NUP107: variants seen among roughly 807,000 people sequenced by gnomAD.
NUP107 encodes nuclear pore complex protein Nup107.
A neutral mutation model predicts 141.0 loss-of-function variants in NUP107; 101 were observed. The observed-to-expected ratio is 0.72, with a 90% CI of 0.61 to 0.84. The LOEUF is 0.84. Ranked by LOEUF, NUP107 falls within the 40% of genes least tolerant of loss-of-function variation. The pLI is 0.00. For synonymous variants in NUP107, 319 were observed against 363.9 expected, an observed-to-expected ratio of 0.88 and a Z score of 1.41; for missense variants, 941 against 1,102.7, an observed-to-expected ratio of 0.85 and a Z score of 2.08.
At chr12:68,741,076 GA>G (rs955186876) in intron 26 of NUP107, among the ~76,000 whole-genome samples, 14 of 144,656 alleles carry the variant, frequency 9.7e-5, no homozygotes, top group Middle Eastern at 3.6e-3. Context: ...AAAAAGAAAA[GA>G]AAAAAAAAAG....
At chr12:68,698,062 T>C (rs1029293501) in intron 6 of NUP107, among the ~76,000 whole-genome samples, 1 of 151,666 alleles carries the variant, frequency 6.6e-6, no homozygotes, top group Non-Finnish European at 1.5e-5. Context: ...ATGTTTCACA[T>C]TGTATGTCAT....
intron 1 of NUP107, 148 bp downstream of exon 1, chr12:68,687,221 C>G: frequency 8.4e-7 from 1 of 1,185,216 alleles, no homozygotes; most frequent in Non-Finnish European, 1.2e-6. Flanking sequence ...GGAAATTTGG[C>G]CACAAATGGG....
chr12:68,700,950 G>A (rs1876301146), intron 7 of NUP107, 97 bp downstream of exon 7: 2 of 1,246,592 alleles, frequency 1.6e-6, no homozygotes, highest in East Asian at 5.1e-5. Flanking sequence ...CTTGGAAATA[G>A]GTTTTGCTAT....
Position 68,702,846 on chromosome 12 carries a change from A to AT in NUP107, c.729+76dup, listed in dbSNP as rs201673769. 104,784 of 747,394 alleles carry AT rather than the reference A, an allele frequency of 0.14. 976 individuals carry two copies. The highest frequency in any genetic ancestry group is 0.24 in the East Asian group (6,434 of 26,718). 46.3% of individuals were successfully genotyped at this position (747,394 alleles called of 1,614,324 possible). The stretch of plus-strand genomic sequence containing the variant: ...TACAAATTAAAATGTTACTAATAGG[A>AT]TTTTTTTTTTTTTTGAGTTGGAGTT... On this transcript the variant is annotated intron_variant, in intron 8 of 27. Transcript: ENST00000229179.
At chr12:68,742,124 G>A in intron 27 of NUP107, 144 bp downstream of exon 27, 1 of 766,646 alleles carries the variant, frequency 1.3e-6, no homozygotes, top group Non-Finnish European at 2.0e-6. Flanking sequence ...TTTAATGTTT[G>A]TACTTTTTTC....
chr12:68,721,885 C>T lies in NUP107; in HGVS notation c.1356C>T (p.Tyr452=). ...CDTWEDTVWA[Y]FRVMVDSLVE... is the part of the protein sequence containing the mutation. The stretch of plus-strand genomic sequence containing the variant: ...CCTGGGAAGACACAGTTTGGGCCTA[C>T]TTCCGGGTGATGGTGGACAGTCTGG... The change falls in exon 16 of 28, where the codon TAC becomes TAT. Residue 452 remains tyrosine (Y), a synonymous_variant. Coordinates refer to ENST00000229179, the MANE Select transcript of NUP107 (RefSeq NM_020401.4). 1 of 1,614,102 alleles carries T rather than the reference C, an allele frequency of 6.2e-7. No homozygotes were observed. Among genetic ancestry groups the T allele is most frequent in the Non-Finnish European group, 8.5e-7 (1 of 1,179,984 alleles).
At chr12:68,700,605 G>C (rs930076742) in intron 6 of NUP107, 121 bp from the exon 7 acceptor site, 2 of 561,678 alleles carry the variant, frequency 3.6e-6, no homozygotes, top group African/African-American at 3.9e-5. Context: ...AAATAGAGAA[G>C]GCAATTTTAT....
chr12:68,711,523 G>A (rs1362187582), intron 10 of NUP107, among the ~76,000 whole-genome samples: 5 of 146,244 alleles, frequency 3.4e-5, no homozygotes, highest in Admixed American at 2.8e-4. Flanking sequence ...GTGACAGAGC[G>A]AGACTCCACC....
chr12:68,690,421 T>G, intron 3 of NUP107: 1 of 610,594 alleles, frequency 1.6e-6, no homozygotes. Flanking sequence ...AAATGTTTCC[T>G]GTTAGGCTCA....
chr12:68,721,985 A>G lies in NUP107; in HGVS notation c.1456A>G (p.Asn486Asp). 1 of 1,613,420 alleles carries G rather than the reference A, an allele frequency of 6.2e-7. No homozygotes were observed. Among genetic ancestry groups the G allele is most frequent in the Non-Finnish European group, 8.5e-7 (1 of 1,179,776 alleles). The change falls in exon 16 of 28, where the codon AAC becomes GAC. Residue 486 changes from asparagine (N) to aspartate (D), a missense_variant and splice_region_variant. Coordinates refer to ENST00000229179, the MANE Select transcript of NUP107 (RefSeq NM_020401.4). ...EELPREYLGANWTLEKVFEEL... is the reference protein window; with the variant it reads ...EELPREYLGADWTLEKVFEEL... Reference sequence around the variant, plus strand: ...ACTCCCTAGAGAATATCTGGGAGCAAAGTGAGTTTGTTGGATTGTTTTGAG... The same window carrying G: ...ACTCCCTAGAGAATATCTGGGAGCAGAGTGAGTTTGTTGGATTGTTTTGAG...
chr12:68,735,769 A>G (rs1382777689), intron 26 of NUP107, among the ~76,000 whole-genome samples: 1 of 152,102 alleles, frequency 6.6e-6, no homozygotes, highest in African/African-American at 2.4e-5. Flanking sequence ...TTATGGTGTA[A>G]TTGGTCTGAG....
chr12:68,716,371 C>CATGT, intron 12 of NUP107, among the ~76,000 whole-genome samples: 1 of 151,850 alleles, frequency 6.6e-6, no homozygotes, highest in East Asian at 1.9e-4. Flanking sequence ...ACTGGGACTA[C>CATGT]AGGTACACGC....
chr12:68,730,421 G>A (rs772853951), intron 20 of NUP107, among the ~76,000 whole-genome samples: 2 of 151,766 alleles, frequency 1.3e-5, no homozygotes, highest in African/African-American at 4.8e-5. Flanking sequence ...GTTTTGTCTT[G>A]TTGGCCAGGC....
intron 15 of NUP107, among the ~76,000 whole-genome samples, chr12:68,721,522 C>T (rs1034527701): frequency 5.3e-5 from 8 of 152,148 alleles, no homozygotes; most frequent in African/African-American, 1.7e-4. Flanking sequence ...GGTTGTCTTA[C>T]ATACGCATGT....
chr12:68,735,188 T>G, intron 25 of NUP107, 43 bp from the exon 26 acceptor site: 3 of 1,227,118 alleles, frequency 2.4e-6, no homozygotes, highest in Non-Finnish European at 3.6e-6. Flanking sequence ...CATTATTTAT[T>G]GGGTTTTATC....
rs752796521 is a variant in NUP107 at position 68,727,387 on chromosome 12, C to T, written c.1732C>T (p.Gln578Ter). 2 of 1,492,006 alleles carry T rather than the reference C, an allele frequency of 1.3e-6. No homozygotes were observed. Among genetic ancestry groups the T allele is most frequent in the East Asian group, 2.3e-5 (1 of 43,746 alleles). 92.4% of individuals were successfully genotyped at this position (1,492,006 alleles called of 1,614,324 possible). Reference protein sequence around the residue: ...VSIEVLKTYIQLLIREKHTNL... With the variant: ...VSIEVLKTYI The stretch of plus-strand genomic sequence containing the variant: ...TATTGAAGTTTTAAAGACATACATA[C>T]AGGTAAACTTTGAGAACCTACAACC... The change falls in exon 20 of 28, where the codon CAG becomes TAG. Residue 578 changes from glutamine to a stop codon, truncating the protein, a stop_gained and splice_region_variant. Coordinates refer to ENST00000229179, the MANE Select transcript of NUP107 (RefSeq NM_020401.4). LOFTEE classifies it high-confidence loss of function.
intron 8 of NUP107, among the ~76,000 whole-genome samples, chr12:68,707,361 G>A (rs1876641093): frequency 6.6e-6 from 1 of 152,204 alleles, no homozygotes; most frequent in African/African-American, 2.4e-5. Context: ...CAACACTTTG[G>A]GAGGTCAAGG....
chr12:68,741,876 A>G lies in NUP107; in HGVS notation c.2566A>G (p.Met856Val), dbSNP rs767060441. ...CTTACTGAGAAAGCTTTGTCTGCCA[A>G]TGTTGTGTTTTCTGCTTCATACGAT... Reference protein sequence around the residue: ...MVLLRKLCLPMLCFLLHTILH... With the variant: ...MVLLRKLCLPVLCFLLHTILH... The change falls in exon 27 of 28, where the codon ATG becomes GTG. Residue 856 changes from methionine to valine, a missense_variant. Met to Val is a conservative substitution (Grantham distance 21). Transcript: ENST00000229179. The G allele has an allele frequency of 1.9e-5, 30 of 1,613,930 alleles. No homozygotes were observed. The highest frequency in any genetic ancestry group is 1.1e-4 in the East Asian group (5 of 44,870).
intron 17 of NUP107, among the ~76,000 whole-genome samples, chr12:68,724,512 C>T (rs370432050): frequency 6.6e-6 from 1 of 152,092 alleles, no homozygotes. Flanking sequence ...TTTGGTGGCT[C>T]ACACCTCTAG....
Sources: allele counts gnomAD v4.1 joint callset (sites outside exome capture counted in the v4.1 genomes callset), GRCh38; gene constraint gnomAD v4.1.1; transcripts MANE v1.5; gene names NCBI Gene and HGNC (gene_info 2026-07-23, HGNC 2026-07-21).